Variants in CCDC3 observed in about 807,000 individuals in gnomAD.
CCDC3 encodes the protein coiled-coil domain containing 3.
Under a neutral mutation model 21.4 loss-of-function variants are expected in CCDC3, and 24 were observed. The observed-to-expected ratio is 1.12, with a 90% CI of 0.81 to 1.58. The LOEUF (loss-of-function observed/expected upper bound fraction) is 1.58, where lower values mean the gene tolerates loss of function less well. CCDC3 is among the 40% of genes most tolerant of loss of function. CCDC3 has a pLI of 0.00. For missense variants in CCDC3, 425 were observed against 360.9 expected (o/e 1.18, Z -1.44); for synonymous variants, 186 against 166.0 (o/e 1.12, Z -0.93).
At chr10:13,015,196 T>C (rs891841139) in intron 5 of CCDC3, among the ~76,000 whole-genome samples, 1 of 152,104 alleles carries the variant, frequency 6.6e-6, no homozygotes, top group African/African-American at 2.4e-5. Flanking sequence ...ATATGATTTA[T>C]GTATTTGCCT....
intron 2 of CCDC3, among the ~76,000 whole-genome samples, chr10:12,933,763 ATTCTT>A (rs1834690658): frequency 6.6e-6 from 1 of 152,048 alleles, no homozygotes; most frequent in African/African-American, 2.4e-5. Flanking sequence ...CGGCCATAAT[ATTCTT>A]TTATTATCCT....
intron 5 of CCDC3, among the ~76,000 whole-genome samples, chr10:13,032,018 G>A (rs569651387): frequency 9.7e-4 from 148 of 152,238 alleles, no homozygotes; most frequent in Non-Finnish European, 1.5e-3. Flanking sequence ...TGATACCAAA[G>A]CCGGGCAGAG....
intron 4 of CCDC3, among the ~76,000 whole-genome samples, chr10:13,071,264 C>G (rs1836879051): frequency 1.3e-5 from 2 of 151,842 alleles, no homozygotes; most frequent in Admixed American, 1.3e-4. Context: ...CGCTTCATCT[C>G]AGCATTCAGC....
intron 2 of CCDC3, among the ~76,000 whole-genome samples, chr10:12,930,192 T>C (rs1834617180): frequency 6.6e-6 from 1 of 152,234 alleles, no homozygotes; most frequent in African/African-American, 2.4e-5. Flanking sequence ...TTCTAATCTT[T>C]TTCAAAAGCT....
intron 5 of CCDC3, among the ~76,000 whole-genome samples, chr10:13,042,631 G>A (rs1030987049): frequency 4.6e-5 from 7 of 150,574 alleles, no homozygotes; most frequent in East Asian, 4.0e-4. Context: ...CTTCTCAGCC[G>A]GGCGTGGTGG....
chr10:12,924,503 ACT>A (rs950866143), intron 2 of CCDC3, among the ~76,000 whole-genome samples: 1 of 152,118 alleles, frequency 6.6e-6, no homozygotes, highest in African/African-American at 2.4e-5. Context: ...GAATATCTAA[ACT>A]CTAATGATTC....
At chr10:12,952,063 A>T (rs1258636391) in intron 2 of CCDC3, among the ~76,000 whole-genome samples, 2 of 152,178 alleles carry the variant, frequency 1.3e-5, no homozygotes, top group East Asian at 1.9e-4. Context: ...ACAGAATAGA[A>T]ATGACTTCTA....
intron 2 of CCDC3, among the ~76,000 whole-genome samples, chr10:12,933,065 G>T (rs66992359): frequency 6.6e-6 from 1 of 152,054 alleles, no homozygotes; most frequent in Non-Finnish European, 1.5e-5. Flanking sequence ...TTTGCAAACA[G>T]CATCATGTTG....
At chr10:13,068,808 A>C (rs1836851038) in intron 4 of CCDC3, among the ~76,000 whole-genome samples, 1 of 152,234 alleles carries the variant, frequency 6.6e-6, no homozygotes, top group Non-Finnish European at 1.5e-5. Context: ...CTGGAAATAG[A>C]TTTACATGTG....
Position 12,993,096 on chromosome 10 carries a change from T to A in CCDC3, c.549+5242A>T, listed in dbSNP as rs111888795. On this transcript the variant is annotated intron_variant, in intron 2 of 2. Coordinates refer to ENST00000378825, the MANE Select transcript of CCDC3 (RefSeq NM_031455.4). ...GATGTTGCCACTACTCCATGGGATG[T>A]TTCAGGACCCCCTGGACGGGAGCAG... Among the ~76,000 whole-genome samples, 18 of 152,348 alleles carry A rather than the reference T, an allele frequency of 1.2e-4. 2 individuals are homozygous for A. The highest frequency in any genetic ancestry group is 4.3e-4 in the African/African-American group (18 of 41,584).
At chr10:12,942,050 G>A (rs1834839979) in intron 2 of CCDC3, among the ~76,000 whole-genome samples, 1 of 152,146 alleles carries the variant, frequency 6.6e-6, no homozygotes, top group South Asian at 2.1e-4. Context: ...AATTAAGCCA[G>A]AAGTCTATGC....
chr10:12,997,184 C>T (rs74691139), intron 2 of CCDC3, among the ~76,000 whole-genome samples: 3,052 of 152,032 alleles, frequency 0.02, 116 homozygotes, highest in African/African-American at 0.07. Flanking sequence ...CCCTCAAACC[C>T]TTCTTGATGG....
intron 3 of CCDC3, among the ~76,000 whole-genome samples, chr10:13,095,680 A>G (rs1008225229): frequency 4.6e-5 from 7 of 152,190 alleles, no homozygotes; most frequent in African/African-American, 1.4e-4. Flanking sequence ...GTACTGGTTC[A>G]CCACCCGGGG....
intron 2 of CCDC3, among the ~76,000 whole-genome samples, chr10:12,964,829 T>C (rs1835237755): frequency 6.6e-6 from 1 of 152,200 alleles, no homozygotes; most frequent in Non-Finnish European, 1.5e-5. Flanking sequence ...GAGTAAAGTT[T>C]ATACATAATT....
intron 5 of CCDC3, among the ~76,000 whole-genome samples, chr10:13,043,443 C>T (rs994539812): frequency 5.3e-5 from 8 of 151,876 alleles, no homozygotes; most frequent in East Asian, 1.9e-4. Flanking sequence ...AAAAACAAAA[C>T]TTAGCCAGGC....
At chr10:12,900,486 G>A (rs1440380007) in intron 2 of CCDC3, among the ~76,000 whole-genome samples, 1 of 138,728 alleles carries the variant, frequency 7.2e-6, no homozygotes, top group East Asian at 2.1e-4. Flanking sequence ...AGACCATCCT[G>A]GCTAACAGGG....
At position 12,959,470 on chromosome 10, in the gene CCDC3, C is replaced by T. The variant is rs544469543; in HGVS notation, c.549+38868G>A. Among the ~76,000 whole-genome samples, 3 of 152,180 alleles carry T rather than the reference C, an allele frequency of 2.0e-5. No individual in the cohort carries two copies. In the South Asian group the frequency reaches 6.2e-4, roughly 32 times the overall value. On this transcript the variant is annotated intron_variant, in intron 2 of 2. Coordinates refer to ENST00000378825, the MANE Select transcript of CCDC3 (RefSeq NM_031455.4). Reference sequence around the variant, plus strand: ...GTCATGAGGCACCGTGCCCAACCTACAAGCTAAAAAGTTTAGAAATATACT... The same window carrying T: ...GTCATGAGGCACCGTGCCCAACCTATAAGCTAAAAAGTTTAGAAATATACT...
upstream of CCDC3, among the ~76,000 whole-genome samples, chr10:13,006,598 C>T (rs1402065796): frequency 6.6e-6 from 1 of 152,188 alleles, no homozygotes; most frequent in Non-Finnish European, 1.5e-5. Context: ...GGAGCTTCTG[C>T]TTAGTCCTTC....
chr10:13,054,052 G>C (rs570274674), intron 4 of CCDC3, among the ~76,000 whole-genome samples: 6 of 151,342 alleles, frequency 4.0e-5, no homozygotes, highest in African/African-American at 1.2e-4. Context: ...GGCTGAGACA[G>C]GGGAATTGCT....
Sources: allele counts gnomAD v4.1 joint callset (sites outside exome capture counted in the v4.1 genomes callset), GRCh38; gene constraint gnomAD v4.1.1; transcripts MANE v1.5; gene names NCBI Gene and HGNC (gene_info 2026-07-23, HGNC 2026-07-21).